The following KSR2 variants were observed in gnomAD, a reference collection of about 807,000 sequenced individuals.
KSR2 encodes kinase suppressor of ras 2.
In KSR2, 25 loss-of-function variants were observed where a neutral mutation model predicts 107.8. The observed-to-expected ratio is 0.23, with a 90% CI of 0.17 to 0.32. The LOEUF (loss-of-function observed/expected upper bound fraction) is 0.32. KSR2 is among the 10% of genes least tolerant of loss of function. KSR2 has a pLI of 1.00. For missense variants in KSR2, 887 were observed against 1,268.9 expected, an observed-to-expected ratio of 0.70 and a Z score of 4.57; for synonymous variants, 480 against 507.0, an observed-to-expected ratio of 0.95 and a Z score of 0.71.
intron 1 of KSR2, among the ~76,000 whole-genome samples, chr12:117,893,029 T>C (rs1463891253): frequency 6.6e-6 from 1 of 151,518 alleles, no homozygotes; most frequent in Non-Finnish European, 1.5e-5. Flanking sequence ...TTTTTTTTTT[T>C]TTTTTTGAGA....
chr12:117,941,220 T>C (rs1257374159), intron 1 of KSR2, among the ~76,000 whole-genome samples: 1 of 152,134 alleles, frequency 6.6e-6, no homozygotes, highest in Non-Finnish European at 1.5e-5. Context: ...CAGGTCACCA[T>C]GACCTCCCCA....
intron 1 of KSR2, among the ~76,000 whole-genome samples, chr12:117,905,262 T>TA (rs942177335): frequency 1.6e-4 from 24 of 152,114 alleles, no homozygotes; most frequent in African/African-American, 3.6e-4. Flanking sequence ...TAAAAAATTT[T>TA]AAAAAAACGT....
rs762669441 is a variant in KSR2 at position 117,761,416 on chromosome 12, T to C, written c.581A>G (p.His194Arg). ...PPEPTPWIRTHLSQSPRVPSK... is the reference protein window; with the variant it reads ...PPEPTPWIRTRLSQSPRVPSK... ...CGGGACCCTGGGGCTCTGGGAGAGA[T>C]GGGTGCGGATCCACGGGGTGGGCTC... Residue 194 changes from histidine (H) to arginine (R), a missense_variant, in exon 4 of 20, where the codon CAT becomes CGT. Transcript: ENST00000339824. 2.5e-6 allele frequency: 4 copies of C among 1,609,104 alleles called. No homozygotes were observed. The highest frequency in any genetic ancestry group is 2.7e-5 in the African/African-American group (2 of 74,378).
At chr12:117,678,174 C>T (rs564760238) in intron 4 of KSR2, among the ~76,000 whole-genome samples, 5 of 147,502 alleles carry the variant, frequency 3.4e-5, no homozygotes, top group African/African-American at 1.0e-4. Flanking sequence ...TGGTCTTGAA[C>T]TCCTGTCCTC....
chr12:117,593,724 T>C (rs1593029926), intron 5 of KSR2, among the ~76,000 whole-genome samples: 1 of 152,254 alleles, frequency 6.6e-6, no homozygotes, highest in African/African-American at 2.4e-5. Flanking sequence ...ATGAAGCAGG[T>C]ACCTGGCAAT....
intron 5 of KSR2, among the ~76,000 whole-genome samples, chr12:117,583,572 C>A (rs983627810): frequency 2.0e-5 from 3 of 152,076 alleles, no homozygotes; most frequent in Admixed American, 2.0e-4. Flanking sequence ...AGATGCCTGT[C>A]CCCATCTGGT....
intron 8 of KSR2, among the ~76,000 whole-genome samples, chr12:117,558,189 G>A (rs1292645992): frequency 6.6e-6 from 1 of 152,190 alleles, no homozygotes; most frequent in South Asian, 2.1e-4. Context: ...GGGAAGAAAA[G>A]CAATGGGATT....
chr12:117,652,116 G>A (rs569166404), intron 5 of KSR2, among the ~76,000 whole-genome samples: 58 of 152,208 alleles, frequency 3.8e-4, no homozygotes, highest in South Asian at 3.3e-3. Flanking sequence ...CTATGAGGAC[G>A]CAACGGCATA....
chr12:117,666,247 G>A (rs956651015), intron 5 of KSR2, among the ~76,000 whole-genome samples: 4 of 152,086 alleles, frequency 2.6e-5, no homozygotes, highest in African/African-American at 9.7e-5. Flanking sequence ...CTCACTATTC[G>A]GGCCCCAGCC....
chr12:117,853,094 C>T (rs757146539), intron 3 of KSR2, among the ~76,000 whole-genome samples: 31 of 151,758 alleles, frequency 2.0e-4, no homozygotes, highest in Non-Finnish European at 4.4e-4. Context: ...TGAGCCACCA[C>T]GTCCGGCCAA....
At chr12:117,472,340 C>T (rs535420297) in intron 17 of KSR2, among the ~76,000 whole-genome samples, 53 of 152,142 alleles carry the variant, frequency 3.5e-4, no homozygotes, top group Middle Eastern at 6.8e-3. Context: ...GGGTGATGGG[C>T]CAGGTGGTGC....
chr12:117,539,664 T>A, intron 10 of KSR2, 55 bp downstream of exon 10: 213 of 1,271,318 alleles, frequency 1.7e-4, no homozygotes, highest in Middle Eastern at 2.7e-4. Context: ...ACCCCCTCCC[T>A]AATCTCTGCC....
chr12:117,833,909 G>A (rs1036720545), intron 3 of KSR2, among the ~76,000 whole-genome samples: 1 of 151,536 alleles, frequency 6.6e-6, no homozygotes, highest in African/African-American at 2.4e-5. Flanking sequence ...CAGGCGGATC[G>A]CTTGAGCCCA....
intron 7 of KSR2, among the ~76,000 whole-genome samples, chr12:117,568,786 C>T (rs1565904550): frequency 6.6e-6 from 1 of 152,082 alleles, no homozygotes; most frequent in Non-Finnish European, 1.5e-5. Flanking sequence ...TTATAAGCAT[C>T]CCTCAGATAC....
At chr12:117,711,543 T>C (rs1886781925) in intron 4 of KSR2, among the ~76,000 whole-genome samples, 1 of 152,236 alleles carries the variant, frequency 6.6e-6, no homozygotes, top group African/African-American at 2.4e-5. Flanking sequence ...CCAAGGTAGA[T>C]GGAGTTGAAA....
At chr12:117,470,555 T>A (rs1871387872) in intron 18 of KSR2, among the ~76,000 whole-genome samples, 2 of 152,236 alleles carry the variant, frequency 1.3e-5, no homozygotes, top group Non-Finnish European at 2.9e-5. Flanking sequence ...AGAGAAGGGA[T>A]AAAAGGGAAT....
At chr12:117,647,057 A>G (rs1421971387) in intron 5 of KSR2, among the ~76,000 whole-genome samples, 1 of 152,142 alleles carries the variant, frequency 6.6e-6, no homozygotes, top group East Asian at 1.9e-4. Context: ...CCACACAGAG[A>G]AAAAAGAGAG....
At chr12:117,591,225 A>C (rs752237083) in intron 5 of KSR2, among the ~76,000 whole-genome samples, 2 of 152,180 alleles carry the variant, frequency 1.3e-5, no homozygotes, top group Non-Finnish European at 2.9e-5. Flanking sequence ...GGGTCAACTC[A>C]TGGGGGCAGA....
intron 7 of KSR2, among the ~76,000 whole-genome samples, chr12:117,576,208 T>C (rs1162992699): frequency 1.3e-5 from 2 of 152,220 alleles, no homozygotes; most frequent in African/African-American, 4.8e-5. Flanking sequence ...CCCTGTCATC[T>C]AATTACCTGC....
Sources: gnomAD v4.1 joint callset for allele counts (sites outside exome capture counted in the v4.1 genomes callset) on GRCh38, gnomAD v4.1.1 for gene constraint, MANE v1.5 for transcripts, NCBI Gene and HGNC (gene_info 2026-07-23, HGNC 2026-07-21) for gene names.